A2ML1: variants seen among roughly 807,000 people sequenced by gnomAD.
The protein encoded by A2ML1 is alpha-2-macroglobulin like 1.
Under a neutral mutation model 181.9 loss-of-function variants are expected in A2ML1, and 161 were observed. The ratio of observed to expected loss-of-function variants is 0.89; its 90% CI spans 0.78 to 1.01. The LOEUF (loss-of-function observed/expected upper bound fraction) is 1.01, where lower values mean the gene tolerates loss of function less well. A2ML1 is among the 50% of genes least tolerant of loss of function. A2ML1 has a pLI of 0.00. For synonymous variants in A2ML1, 663 were observed against 666.8 expected (o/e 0.99, Z 0.09); for missense variants, 1,670 against 1,768.1 (o/e 0.94, Z 1.00).
At chr12:8,847,515 C>T (rs1565477347) in intron 14 of A2ML1, 34 bp from the exon 15 acceptor site, 2 of 1,578,748 alleles carry the variant, frequency 1.3e-6, no homozygotes, top group Non-Finnish European at 1.7e-6. Context: ...TCCAGGCTGA[C>T]CTGATCCCCA....
Position 8,841,542 on chromosome 12 carries a change from C to T in A2ML1, c.1248+6C>T, listed in dbSNP as rs1943481154. Reference sequence around the variant, plus strand: ...GGACAGACGTTTCTCTGGAGGTAAGCATGGACGGAGGACCAGCTTCCTAGA... The same window carrying T: ...GGACAGACGTTTCTCTGGAGGTAAGTATGGACGGAGGACCAGCTTCCTAGA... On this transcript the variant is annotated splice_donor_region_variant and intron_variant, in intron 11 of 35. Coordinates refer to ENST00000299698, the MANE Select transcript of A2ML1 (RefSeq NM_144670.6). 1 of 1,606,036 alleles carries T rather than the reference C, an allele frequency of 6.2e-7. No individual in the cohort carries two copies. Among genetic ancestry groups the T allele is most frequent in the Admixed American group, 1.7e-5 (1 of 58,592 alleles).
chr12:8,846,313 A>G (rs929263221), intron 14 of A2ML1, 91 bp downstream of exon 14: 2 of 1,479,968 alleles, frequency 1.4e-6, no homozygotes, highest in Non-Finnish European at 9.4e-7. Flanking sequence ...CAAGTCAGGG[A>G]AAGAAGATAG....
chr12:8,823,990 C>T (rs1436574675), intron 3 of A2ML1, 108 bp downstream of exon 3: 17 of 1,308,332 alleles, frequency 1.3e-5, no homozygotes, highest in Non-Finnish European at 1.7e-5. Flanking sequence ...AAAAGGAGTG[C>T]AGAGGAGAGG....
intron 3 of A2ML1, among the ~76,000 whole-genome samples, chr12:8,828,363 C>G (rs1397002332): frequency 6.6e-6 from 1 of 152,116 alleles, no homozygotes; most frequent in Non-Finnish European, 1.5e-5. Flanking sequence ...ACAGAGGAGT[C>G]TCTCTCTGTG....
downstream of A2ML1, among the ~76,000 whole-genome samples, chr12:8,887,365 C>T (rs1364957479): frequency 6.6e-6 from 1 of 152,096 alleles, no homozygotes; most frequent in Non-Finnish European, 1.5e-5. Flanking sequence ...CATATCTCTC[C>T]CCCACATATT....
chr12:8,825,377 T>A (rs1409754026), intron 3 of A2ML1, among the ~76,000 whole-genome samples: 1 of 152,198 alleles, frequency 6.6e-6, no homozygotes, highest in Non-Finnish European at 1.5e-5. Context: ...TATACCTGTT[T>A]GCCATTTGTA....
rs1944107611 is a variant in A2ML1 at position 8,857,441 on chromosome 12, C to T, written c.3026-66C>T. On this transcript the variant is annotated intron_variant, in intron 24 of 35. Transcript: ENST00000299698. Reference sequence around the variant, plus strand: ...TCCAGCCCCTCAAGTGTCCCATATCCTTGAACGGCATGGGGGTGTTTTCTG... The same window carrying T: ...TCCAGCCCCTCAAGTGTCCCATATCTTTGAACGGCATGGGGGTGTTTTCTG... The T allele has an allele frequency of 8.1e-6, 13 of 1,606,074 alleles. No homozygotes were observed. In the East Asian group the frequency reaches 2.7e-4, roughly 33 times the overall value.
chr12:8,830,669 A>T (rs1343973645), intron 4 of A2ML1: 5 of 152,106 alleles, frequency 3.3e-5, no homozygotes, highest in African/African-American at 4.8e-5. Context: ...TACCTCCCGG[A>T]CACCCCTGCT....
chr12:8,846,332 T>C (rs1943686206), intron 14 of A2ML1, 110 bp downstream of exon 14: 5 of 1,226,768 alleles, frequency 4.1e-6, no homozygotes, highest in African/African-American at 1.5e-5. Context: ...AGTGTTGACG[T>C]TGGATGTTGT....
At chr12:8,865,383 T>C (rs1167352338) in intron 29 of A2ML1, among the ~76,000 whole-genome samples, 2 of 151,900 alleles carry the variant, frequency 1.3e-5, no homozygotes, top group African/African-American at 4.8e-5. Flanking sequence ...CTACTAAAAA[T>C]ACAAAATTAG....
chr12:8,846,630 G>A (rs112142854), intron 14 of A2ML1, among the ~76,000 whole-genome samples: 19,637 of 151,990 alleles, frequency 0.13, 1,479 homozygotes, highest in Non-Finnish European at 0.17. Context: ...GACCAGCCTG[G>A]TGAAACCGTG....
At chr12:8,839,367 G>A in intron 10 of A2ML1, 145 bp downstream of exon 10, 2 of 553,162 alleles carry the variant, frequency 3.6e-6, no homozygotes, top group Non-Finnish European at 6.4e-6. Context: ...ATAATGCAAT[G>A]AGGCAGGCAC....
intron 12 of A2ML1, among the ~76,000 whole-genome samples, chr12:8,843,590 TA>T (rs1477418334): frequency 6.6e-6 from 1 of 152,210 alleles, no homozygotes; most frequent in Non-Finnish European, 1.5e-5. Context: ...GAAAGCCATA[TA>T]AAAAGTTTTA....
At position 8,849,666 on chromosome 12, in the gene A2ML1, C is replaced by G. The variant is rs1943820416; in HGVS notation, c.2029-3C>G. The G allele has an allele frequency of 1.2e-5, 20 of 1,613,740 alleles. No individual in the cohort carries two copies. The highest frequency in any genetic ancestry group is 1.7e-5 in the Non-Finnish European group (20 of 1,179,774). Reference sequence around the variant, plus strand: ...TAATACTTATTTCTCTGATGCCTATCAGGACGTGGGCCTGAAAATACTGTC... The same window carrying G: ...TAATACTTATTTCTCTGATGCCTATGAGGACGTGGGCCTGAAAATACTGTC... On this transcript the variant is annotated splice_region_variant and splice_polypyrimidine_tract_variant and intron_variant, in intron 16 of 35. Transcript: ENST00000299698.
Position 8,854,823 on chromosome 12 carries a change from G to T in A2ML1, c.2756G>T (p.Cys919Phe), listed in dbSNP as rs1944005952. 2.5e-6 allele frequency: 4 copies of T among 1,613,876 alleles called. No individual in the cohort carries two copies. Among genetic ancestry groups the T allele is most frequent in the Non-Finnish European group, 3.4e-6 (4 of 1,179,988 alleles). ...GAGAAGACACACAGCTCATTGCTGT[G>T]CCCAAAAGGTGGGTGGACTCAGAGC... ...LVEKTHSSLL[C>F]PKGKVASESV... The change falls in exon 22 of 36, where the codon TGC becomes TTC. Residue 919 changes from cysteine (C) to phenylalanine (F), a missense_variant. Cys to Phe is a radical substitution (Grantham distance 205). Coordinates refer to ENST00000299698, the MANE Select transcript of A2ML1 (RefSeq NM_144670.6).
Position 8,851,657 on chromosome 12 carries a change from C to T in A2ML1, c.2235-127C>T. On this transcript the variant is annotated intron_variant, in intron 18 of 35. Coordinates refer to ENST00000299698, the MANE Select transcript of A2ML1 (RefSeq NM_144670.6). ...CTGGGCTGAAGCTATCTGCTCACCTCAGCCTCTCAAAGAGCTGGGATTACA... is the reference window on the plus strand; with the variant it reads ...CTGGGCTGAAGCTATCTGCTCACCTTAGCCTCTCAAAGAGCTGGGATTACA... The T allele has an allele frequency of 3.6e-6, 3 of 841,158 alleles. No individual in the cohort carries two copies. The South Asian group carries it at 4.9e-5, about 14-fold the overall frequency. The allele number at this position is 841,158 out of a possible 1,614,324, so 52.1% of individuals were successfully genotyped here. A position where few individuals can be genotyped will look rare whatever the true frequency, so the allele number is the denominator to read the frequency against.
chr12:8,838,053 T>C (rs1393448009), intron 8 of A2ML1, among the ~76,000 whole-genome samples: 1 of 152,200 alleles, frequency 6.6e-6, no homozygotes, highest in Non-Finnish European at 1.5e-5. Flanking sequence ...GGGAGTGTTT[T>C]AGAGTCTGCC....
intron 18 of A2ML1, 141 bp downstream of exon 18, chr12:8,850,415 T>C (rs923674634): frequency 4.0e-6 from 2 of 495,616 alleles, no homozygotes; most frequent in Admixed American, 8.4e-5. Flanking sequence ...TGAGCTTCTG[T>C]CTCTACAAAA....
chr12:8,836,683 C>T (rs1235327283), intron 7 of A2ML1, among the ~76,000 whole-genome samples: 1 of 151,908 alleles, frequency 6.6e-6, no homozygotes, highest in South Asian at 2.1e-4. Context: ...GGGATTTCGC[C>T]GTGTTGGCCA....
Sources: allele counts gnomAD v4.1 joint callset (sites outside exome capture counted in the v4.1 genomes callset), GRCh38; gene constraint gnomAD v4.1.1; transcripts MANE v1.5; gene names NCBI Gene and HGNC (gene_info 2026-07-23, HGNC 2026-07-21).